The following SH3GL2 variants were observed in gnomAD, a reference collection of about 807,000 sequenced individuals.
SH3GL2 encodes the protein SH3 domain containing GRB2 like 2, endophilin A1, also known as endophilin-A1.
Under a neutral mutation model 46.0 loss-of-function variants are expected in SH3GL2, and 24 were observed. The observed-to-expected ratio is 0.52, with a 90% CI of 0.38 to 0.73. SH3GL2 has a LOEUF of 0.73. Among genes scored for constraint, SH3GL2 ranks in the 30% least tolerant of loss-of-function variants. SH3GL2 has a pLI of 0.00. For synonymous variants in SH3GL2, 196 were observed against 147.1 expected (o/e 1.33, Z -2.40); for missense variants, 413 against 424.2 (o/e 0.97, Z 0.23).
intron 1 of SH3GL2, among the ~76,000 whole-genome samples, chr9:17,637,581 A>G (rs1250529939): frequency 6.6e-6 from 1 of 152,228 alleles, no homozygotes; most frequent in Non-Finnish European, 1.5e-5. Flanking sequence ...AGTGGCAACA[A>G]CATTATCTTT....
At chr9:17,789,844 G>A (rs1005005167) in intron 6 of SH3GL2, 106 of 830,196 alleles carry the variant, frequency 1.3e-4, no homozygotes, top group Non-Finnish European at 1.5e-4. Flanking sequence ...GTAATTTATC[G>A]AATAACGCAT....
intron 6 of SH3GL2, among the ~76,000 whole-genome samples, chr9:17,790,939 T>C (rs1368944596): frequency 6.6e-6 from 1 of 152,188 alleles, no homozygotes; most frequent in Non-Finnish European, 1.5e-5. Context: ...TACAAGATTG[T>C]AGCTAAGCAT....
intron 1 of SH3GL2, among the ~76,000 whole-genome samples, chr9:17,597,160 A>G (rs556609478): frequency 6.6e-6 from 1 of 152,206 alleles, no homozygotes; most frequent in Non-Finnish European, 1.5e-5. Flanking sequence ...CATATACCAA[A>G]TTGATGTTTT....
At chr9:17,757,690 A>G (rs111885025) in intron 2 of SH3GL2, among the ~76,000 whole-genome samples, 4 of 152,352 alleles carry the variant, frequency 2.6e-5, no homozygotes, top group South Asian at 2.1e-4. Context: ...GTTACATGTC[A>G]TAAGTTCAAA....
At chr9:17,654,758 A>G (rs1044036933) in intron 1 of SH3GL2, among the ~76,000 whole-genome samples, 3 of 152,240 alleles carry the variant, frequency 2.0e-5, no homozygotes, top group Non-Finnish European at 2.9e-5. Context: ...GAATGAGAAC[A>G]CATTATCACG....
intron 1 of SH3GL2, among the ~76,000 whole-genome samples, chr9:17,694,568 A>T (rs749040242): frequency 6.6e-6 from 1 of 152,164 alleles, no homozygotes; most frequent in Non-Finnish European, 1.5e-5. Context: ...AAATGTCATT[A>T]TTTTTCCCCT....
chr9:17,667,526 A>T (rs111324040), intron 1 of SH3GL2, among the ~76,000 whole-genome samples: 48 of 152,212 alleles, frequency 3.2e-4, no homozygotes, highest in African/African-American at 1.2e-3. Flanking sequence ...TTTTTATGGC[A>T]GAATAATATT....
At chr9:17,763,133 A>G (rs1196798920) in intron 3 of SH3GL2, among the ~76,000 whole-genome samples, 1 of 152,178 alleles carries the variant, frequency 6.6e-6, no homozygotes, top group African/African-American at 2.4e-5. Flanking sequence ...ATTTTTCTCC[A>G]TATAAAGTAA....
chr9:17,759,237 C>A (rs1823099045), intron 2 of SH3GL2, among the ~76,000 whole-genome samples: 1 of 152,168 alleles, frequency 6.6e-6, no homozygotes, highest in South Asian at 2.1e-4. Context: ...TGCAGAGCCT[C>A]CCTTCCAGAG....
intron 1 of SH3GL2, among the ~76,000 whole-genome samples, chr9:17,727,935 C>T (rs528039611): frequency 6.6e-6 from 1 of 152,154 alleles, no homozygotes; most frequent in East Asian, 1.9e-4. Context: ...GGACTCCAGA[C>T]TAAGACAGAC....
chr9:17,644,851 G>C (rs1819768240), intron 1 of SH3GL2, among the ~76,000 whole-genome samples: 1 of 152,108 alleles, frequency 6.6e-6, no homozygotes, highest in African/African-American at 2.4e-5. Context: ...GCTTGGTCCA[G>C]AGCTGAGTTC....
At chr9:17,604,720 G>C (rs960137574) in intron 1 of SH3GL2, among the ~76,000 whole-genome samples, 8 of 152,166 alleles carry the variant, frequency 5.3e-5, no homozygotes, top group African/African-American at 1.9e-4. Flanking sequence ...TGGGTAAGAG[G>C]ATGTCACTGC....
chr9:17,756,612 G>A (rs1281097594), intron 2 of SH3GL2, among the ~76,000 whole-genome samples: 1 of 151,768 alleles, frequency 6.6e-6, no homozygotes, highest in Non-Finnish European at 1.5e-5. Context: ...TGCTGAGAAT[G>A]ATGGTTTCCA....
chr9:17,701,545 T>C (rs1231954214), intron 1 of SH3GL2, among the ~76,000 whole-genome samples: 1 of 152,152 alleles, frequency 6.6e-6, no homozygotes, highest in Non-Finnish European at 1.5e-5. Flanking sequence ...TTCGATGATA[T>C]GATTGTATAC....
intron 1 of SH3GL2, among the ~76,000 whole-genome samples, chr9:17,734,401 T>C (rs1588284926): frequency 6.6e-6 from 1 of 152,152 alleles, no homozygotes; most frequent in Non-Finnish European, 1.5e-5. Flanking sequence ...TACTTTACAA[T>C]TGACAAAGCA....
intron 3 of SH3GL2, among the ~76,000 whole-genome samples, chr9:17,785,011 C>A (rs1259424132): frequency 6.6e-6 from 1 of 152,162 alleles, no homozygotes; most frequent in Non-Finnish European, 1.5e-5. Context: ...CCACACTTAG[C>A]CTGCATTTTC....
chr9:17,659,895 A>T (rs961445356), intron 1 of SH3GL2, among the ~76,000 whole-genome samples: 1 of 152,214 alleles, frequency 6.6e-6, no homozygotes. Flanking sequence ...TGGGTTCTTG[A>T]TATGACTTTT....
chr9:17,635,613 T>C (rs1401089110), intron 1 of SH3GL2, among the ~76,000 whole-genome samples: 3 of 152,196 alleles, frequency 2.0e-5, no homozygotes, highest in African/African-American at 4.8e-5. Context: ...CGGGATGCAC[T>C]GTTCTTGACC....
intron 1 of SH3GL2, among the ~76,000 whole-genome samples, chr9:17,667,438 TTA>T (rs1181484832): frequency 6.6e-5 from 10 of 152,206 alleles, no homozygotes; most frequent in Admixed American, 1.3e-4. Context: ...CTACTGTTTT[TTA>T]TGTCTGGCTT....
Sources: allele counts gnomAD v4.1 joint callset (sites outside exome capture counted in the v4.1 genomes callset), GRCh38; gene constraint gnomAD v4.1.1; transcripts MANE v1.5; gene names NCBI Gene and HGNC (gene_info 2026-07-23, HGNC 2026-07-21).